The following CD86 variants were observed in gnomAD, a reference collection of about 807,000 sequenced individuals.
The protein encoded by CD86 is CD86 molecule, also known as T-lymphocyte activation antigen CD86.
Under a neutral mutation model 32.1 loss-of-function variants are expected in CD86, and 11 were observed. The observed-to-expected ratio is 0.34, with a 90% confidence interval of 0.22 to 0.57. The LOEUF is 0.57. Ranked by LOEUF, CD86 falls within the 20% of genes least tolerant of loss-of-function variation. The pLI, the probability that CD86 is intolerant of heterozygous loss-of-function variation, is 0.86. For missense variants in CD86, 359 were observed against 398.4 expected, an observed-to-expected ratio of 0.90 and a Z score of 0.84; for synonymous variants, 137 against 135.3, an observed-to-expected ratio of 1.01 and a Z score of -0.09.
chr3:122,085,024 T>C (rs2072694026), intron 1 of CD86, among the ~76,000 whole-genome samples: 1 of 152,228 alleles, frequency 6.6e-6, no homozygotes, highest in Admixed American at 6.5e-5. Context: ...TTGATCACTA[T>C]CTTGCTTTTC....
intron 1 of CD86, among the ~76,000 whole-genome samples, chr3:122,068,567 G>C (rs936093742): frequency 5.9e-5 from 9 of 152,186 alleles, no homozygotes; most frequent in African/African-American, 1.4e-4. Context: ...AATATTCTCA[G>C]ATAAAGATTG....
chr3:122,088,573 CA>C (rs545882067), intron 1 of CD86, among the ~76,000 whole-genome samples: 86 of 152,286 alleles, frequency 5.6e-4, no homozygotes, highest in Non-Finnish European at 1.1e-3. Context: ...TGACACCACA[CA>C]AGCGCAGAGT....
At chr3:122,104,863 T>A (rs993857971) in intron 3 of CD86, among the ~76,000 whole-genome samples, 1 of 152,224 alleles carries the variant, frequency 6.6e-6, no homozygotes, top group South Asian at 2.1e-4. Flanking sequence ...GGGGCTCTTA[T>A]GAATAAGGCT....
chr3:122,080,978 C>T (rs75121555), intron 1 of CD86, among the ~76,000 whole-genome samples: 1,646 of 152,334 alleles, frequency 0.011, 26 homozygotes, highest in African/African-American at 0.037. Context: ...GCCTGTAATA[C>T]TGGCTTTCTT....
At chr3:122,056,710 A>T (rs978180619) in intron 1 of CD86, among the ~76,000 whole-genome samples, 4 of 152,248 alleles carry the variant, frequency 2.6e-5, no homozygotes, top group African/African-American at 9.6e-5. Context: ...TGGTTTGAGA[A>T]AAAGCTTTGT....
At chr3:122,101,509 AAAAAATATATATATATAT>A (rs1158986269) in intron 2 of CD86, among the ~76,000 whole-genome samples, 4 of 57,012 alleles carry the variant, frequency 7.0e-5, no homozygotes, top group African/African-American at 3.3e-4. Context: ...AAAAAAAAAA[AAAAAATATATATATATAT>A]ATATATATAT....
At position 122,119,987 on chromosome 3, in the gene CD86, T is replaced by G. The variant is rs1191545583; in HGVS notation, c.*453T>G. The G allele has an allele frequency of 5.8e-6, 1 of 172,310 alleles. No homozygotes were observed. Among genetic ancestry groups the G allele is most frequent in the Non-Finnish European group, 1.2e-5 (1 of 82,656 alleles). The allele number at this position is 172,310 out of a possible 1,614,324, so 10.7% of individuals were successfully genotyped here. A position where few individuals can be genotyped will look rare whatever the true frequency, so the allele number is the denominator to read the frequency against. ...TAAACAACTACCTCCTCAGTCTGGG[T>G]GGGACTTATGTATTTATGACCTTAT... On this transcript the variant is annotated 3_prime_UTR_variant, in exon 7 of 7. Coordinates refer to ENST00000330540, the MANE Select transcript of CD86 (RefSeq NM_175862.5).
At chr3:122,097,774 G>A (rs2072931808) in intron 2 of CD86, among the ~76,000 whole-genome samples, 1 of 152,140 alleles carries the variant, frequency 6.6e-6, no homozygotes, top group Admixed American at 6.5e-5. Context: ...GAGTCAGAGT[G>A]GAAAACAGTG....
intron 3 of CD86, 32 bp downstream of exon 3, chr3:122,103,879 T>C: frequency 6.4e-7 from 1 of 1,551,232 alleles, no homozygotes; most frequent in Non-Finnish European, 8.8e-7. Flanking sequence ...TTCAGATTCT[T>C]AGCCTTCTCA....
In CD86 at chr3:122,057,272, A is replaced by G. The variant is rs141391667; in HGVS notation, c.14+1769A>G. ...TAGGAATTTATTCTAAGATATAATA[A>G]TACATGTTTGTAAAGTTTTAGTGAT... is the stretch of plus-strand genomic sequence containing the variant. On this transcript the variant is annotated intron_variant, in intron 1 of 6. Transcript: ENST00000330540. Among the ~76,000 whole-genome samples, 639 of 152,326 alleles carry G rather than the reference A, an allele frequency of 4.2e-3. 11 individuals carry two copies. Among genetic ancestry groups the G allele is most frequent in the African/African-American group, 0.015 (606 of 41,568 alleles).
rs772982910 is a variant in CD86 at position 122,119,715 on chromosome 3, A to C, written c.*181A>C. On this transcript the variant is annotated 3_prime_UTR_variant, in exon 7 of 7. Coordinates refer to ENST00000330540, the MANE Select transcript of CD86 (RefSeq NM_175862.5). ...AACTCCAGCTCTGCTCCGTATGCCA[A>C]GAGGAGACTTTAATTCTCTTACTGC... 5.7e-4 allele frequency: 320 copies of C among 562,978 alleles called. 2 individuals carry two copies. The highest frequency in any genetic ancestry group is 1.2e-4 in the Non-Finnish European group (38 of 318,118). The allele number at this position is 562,978 out of a possible 1,614,324, so 34.9% of individuals were successfully genotyped here. A position where few individuals can be genotyped will look rare whatever the true frequency, so the allele number is the denominator to read the frequency against.
At chr3:122,062,649 G>A (rs1277368134) in intron 1 of CD86, among the ~76,000 whole-genome samples, 2 of 152,120 alleles carry the variant, frequency 1.3e-5, no homozygotes, top group African/African-American at 2.4e-5. Flanking sequence ...AGCTAGTTTG[G>A]TTGGTATCAA....
chr3:122,106,590 A>C, intron 4 of CD86, 90 bp downstream of exon 4: 1 of 1,182,652 alleles, frequency 8.5e-7, no homozygotes, highest in Non-Finnish European at 1.2e-6. Flanking sequence ...CTTGCTAGGA[A>C]ACCTCCAACT....
At chr3:122,101,495 GAAAAA>G (rs72402574) in intron 2 of CD86, among the ~76,000 whole-genome samples, 26 of 53,360 alleles carry the variant, frequency 4.9e-4, no homozygotes, top group African/African-American at 9.8e-4. Context: ...AGGCTCTACA[GAAAAA>G]AAAAAAAAAA....
intron 1 of CD86, among the ~76,000 whole-genome samples, chr3:122,066,546 C>A (rs527238589): frequency 6.6e-6 from 1 of 152,120 alleles, no homozygotes; most frequent in Non-Finnish European, 1.5e-5. Context: ...TGGCAGCTGG[C>A]CAAAACCCTC....
chr3:122,090,941 T>C (rs1010639694), intron 1 of CD86, among the ~76,000 whole-genome samples: 12 of 152,224 alleles, frequency 7.9e-5, no homozygotes, highest in Non-Finnish European at 1.5e-4. Context: ...TAAGCCAGAC[T>C]TTCTGTGGTT....
intron 1 of CD86, among the ~76,000 whole-genome samples, chr3:122,069,080 A>G (rs1340576589): frequency 6.6e-6 from 1 of 152,194 alleles, no homozygotes; most frequent in Non-Finnish European, 1.5e-5. Flanking sequence ...GATATCATAC[A>G]TAACTGAAAT....
intron 5 of CD86, among the ~76,000 whole-genome samples, chr3:122,115,240 A>C (rs1239218158): frequency 6.6e-6 from 1 of 152,236 alleles, no homozygotes; most frequent in African/African-American, 2.4e-5. Flanking sequence ...ACATTGAAAA[A>C]AATTAATAGC....
chr3:122,097,148 G>A (rs1199214755), intron 2 of CD86, among the ~76,000 whole-genome samples: 1 of 152,000 alleles, frequency 6.6e-6, no homozygotes, highest in African/African-American at 2.4e-5. Flanking sequence ...CAATCAAATG[G>A]GCAAAAAGAA....
Sources: gnomAD v4.1 joint callset for allele counts (sites outside exome capture counted in the v4.1 genomes callset) on GRCh38, gnomAD v4.1.1 for gene constraint, MANE v1.5 for transcripts, NCBI Gene and HGNC (gene_info 2026-07-23, HGNC 2026-07-21) for gene names.